The following ULK1 variants were observed in gnomAD, a reference collection of about 807,000 sequenced individuals.
ULK1 encodes unc-51 like autophagy activating kinase 1.
A neutral mutation model predicts 117.5 loss-of-function variants in ULK1; 48 were observed. The observed-to-expected ratio is 0.41, with a 90% CI of 0.32 to 0.52. The LOEUF is 0.52. Ranked by LOEUF, ULK1 falls within the 20% of genes least tolerant of loss-of-function variation. The pLI is 0.29. For synonymous variants in ULK1, 790 were observed against 637.8 expected (o/e 1.24, Z -3.60); for missense variants, 1,387 against 1,473.4 (o/e 0.94, Z 0.96).
rs767820098 is a variant in ULK1, at chr12:131,910,799, C to T, written c.947C>T (p.Pro316Leu). Residue 316 changes from proline (P) to leucine (L), a missense_variant and splice_region_variant, in exon 12 of 28, where the codon CCG (proline) becomes CTG (leucine). Physicochemically the swap from Pro to Leu is moderately conservative, Grantham distance 98. Around this residue, in one of 4 missense-constraint regions of ULK1, gnomAD observed 260 missense variants for 271.6 expected, o/e 0.96. Coordinates refer to ENST00000321867, the MANE Select transcript of ULK1 (RefSeq NM_003565.4). ...TCCACCTCCCACCTGGCCTCCCCGCCGGTGAGTTGCCGCCCCAGGGGCTTG... is the reference window on the plus strand; with the variant it reads ...TCCACCTCCCACCTGGCCTCCCCGCTGGTGAGTTGCCGCCCCAGGGGCTTG... The part of the protein sequence containing the change: ...SSSTSHLASP[P>L]SLGEMQQLQK... The T allele has an allele frequency of 2.0e-5, 33 of 1,612,242 alleles. No homozygotes were observed. In the Admixed American group the frequency reaches 3.0e-4, roughly 15 times the overall value.
chr12:131,895,124 G>T lies in ULK1; in HGVS notation c.111+12G>T, dbSNP rs777578748. 4 of 1,512,806 alleles carry T rather than the reference G, an allele frequency of 2.6e-6. No individual in the cohort carries two copies. Among genetic ancestry groups the T allele is most frequent in the Admixed American group, 4.4e-5 (2 of 45,140 alleles). 93.7% of individuals were successfully genotyped at this position (1,512,806 alleles called of 1,614,324 possible). On this transcript the variant is annotated intron_variant, in intron 1 of 27. Transcript: ENST00000321867. ...GCCGCCACCGCGAGGTGAGGCCCCC[G>T]TCCGGCCCGGGATCCCCCGCCCAGG...
chr12:131,897,507 G>A (rs1408704594), intron 3 of ULK1: 2 of 152,360 alleles, frequency 1.3e-5, no homozygotes, highest in South Asian at 2.1e-4. Flanking sequence ...ACCTCTCTGC[G>A]CCGTGAATTT....
Position 131,918,723 on chromosome 12 carries a change from G to A in ULK1, c.2511+42G>A, listed in dbSNP as rs1352401955. On this transcript the variant is annotated intron_variant, in intron 23 of 27. Coordinates refer to ENST00000321867, the MANE Select transcript of ULK1 (RefSeq NM_003565.4). ...GCAAAGGTTCCCATTCTGGCTGGAGGGTGTGTGGGGTGTGTGGGGTGTCGG... is the reference window on the plus strand; with the variant it reads ...GCAAAGGTTCCCATTCTGGCTGGAGAGTGTGTGGGGTGTGTGGGGTGTCGG... 7 of 1,270,520 alleles carry A rather than the reference G, an allele frequency of 5.5e-6. No individual in the cohort carries two copies. In the East Asian group the frequency reaches 3.9e-4, roughly 71 times the overall value. 78.7% of individuals were successfully genotyped at this position (1,270,520 alleles called of 1,614,324 possible). A position where few individuals can be genotyped will look rare whatever the true frequency, so the allele number is the denominator to read the frequency against.
At chr12:131,900,092 G>A (rs1889025126) in intron 3 of ULK1, among the ~76,000 whole-genome samples, 1 of 138,370 alleles carries the variant, frequency 7.2e-6, no homozygotes, top group Non-Finnish European at 1.5e-5. Context: ...ACTCCAGCCT[G>A]GGCGACAGAG....
intron 3 of ULK1, chr12:131,906,354 G>T (rs943394111): frequency 1.3e-5 from 2 of 154,944 alleles, no homozygotes; most frequent in African/African-American, 4.8e-5. Context: ...CTCCCAAAGT[G>T]TTGGGATTAC....
In ULK1 at chr12:131,915,378, C is replaced by T. The variant is rs1354172531; in HGVS notation, c.1566C>T (p.Ser522=). Residue 522 remains serine (S), a synonymous_variant, in exon 18 of 28, where the codon TCC becomes TCT. Transcript: ENST00000321867. ...PERPGWSGTP[S]PQGAEMRGGR... is the part of the protein sequence containing the mutation. ...GGCCAGGCTGGAGCGGGACGCCCTC[C>T]CCACAGGGAGCTGAGATGCGGGGTG... The T allele has an allele frequency of 1.2e-6, 2 of 1,612,706 alleles. No individual in the cohort carries two copies. Among genetic ancestry groups the T allele is most frequent in the East Asian group, 2.2e-5 (1 of 44,898 alleles).
intron 4 of ULK1, 53 bp downstream of exon 4, chr12:131,906,977 G>A: frequency 6.2e-7 from 1 of 1,612,820 alleles, no homozygotes; most frequent in Non-Finnish European, 8.5e-7. Flanking sequence ...ATGGCCCTGG[G>A]AGCCCCACAG....
rs868830236 is a variant in ULK1 at position 131,919,241 on chromosome 12, G to A, written c.2541G>A (p.Leu847=). Residue 847 remains leucine, a synonymous_variant, in exon 24 of 28, where the codon CTG becomes CTA. Transcript: ENST00000321867. ...EQEHTEILRG[L]RFTLLFVQHV... is the part of the protein sequence containing the mutation. ...AGCACACGGAGATCCTGCGTGGCCT[G>A]CGCTTCACGCTGCTGTTCGTGCAGC... 16 of 1,597,408 alleles carry A rather than the reference G, an allele frequency of 1.0e-5. No homozygotes were observed. The highest frequency in any genetic ancestry group is 5.3e-5 in the African/African-American group (4 of 74,812).
rs1051086352 is a variant in ULK1 at position 131,922,138 on chromosome 12, A to G, written c.*777A>G. 1.0e-5 allele frequency: 4 copies of G among 388,968 alleles called. No individual in the cohort carries two copies. The Admixed American group carries it at 1.3e-4, about 13-fold the overall frequency. 24.1% of individuals were successfully genotyped at this position (388,968 alleles called of 1,614,324 possible). On this transcript the variant is annotated 3_prime_UTR_variant, in exon 28 of 28. Coordinates refer to ENST00000321867, the MANE Select transcript of ULK1 (RefSeq NM_003565.4). Reference sequence around the variant, plus strand: ...TACGTCTTGTAATCTTTCACACTTTATTCCTAAAACGTGTCTTATTTTTAT... The same window carrying G: ...TACGTCTTGTAATCTTTCACACTTTGTTCCTAAAACGTGTCTTATTTTTAT...
In ULK1 at chr12:131,920,014, G is replaced by T; in HGVS notation, c.2839G>T (p.Val947Leu). ...RRLNELYKAS[V>L]VSCQGLSLRL... ...GCTGAATGAGCTGTACAAGGCCAGCGTGGTGTCCTGCCAGGGCCTGAGCCT... is the reference window on the plus strand; with the variant it reads ...GCTGAATGAGCTGTACAAGGCCAGCTTGGTGTCCTGCCAGGGCCTGAGCCT... Residue 947 changes from valine to leucine, a missense_variant, in exon 26 of 28, where the codon GTG (valine) becomes TTG (leucine). Val to Leu is a conservative substitution (Grantham distance 32, BLOSUM62 1). Transcript: ENST00000321867. 6.2e-7 allele frequency: 1 copy of T among 1,612,852 alleles called. No homozygotes were observed. Among genetic ancestry groups the T allele is most frequent in the Non-Finnish European group, 8.5e-7 (1 of 1,179,958 alleles).
In ULK1 at chr12:131,921,940, G is replaced by A. The variant is rs1890168210; in HGVS notation, c.*579G>A. 4.4e-6 allele frequency: 2 copies of A among 456,274 alleles called. No homozygotes were observed. The highest frequency in any genetic ancestry group is 8.8e-6 in the Non-Finnish European group (2 of 226,894). 28.3% of individuals were successfully genotyped at this position (456,274 alleles called of 1,614,324 possible). Reference sequence around the variant, plus strand: ...TGTACATACACATATGCAGACACATGCCAGGGCCCCCCAAGCCCGAGCACC... The same window carrying A: ...TGTACATACACATATGCAGACACATACCAGGGCCCCCCAAGCCCGAGCACC... On this transcript the variant is annotated 3_prime_UTR_variant, in exon 28 of 28. Transcript: ENST00000321867.
At chr12:131,919,116 C>A (rs2136412880) in intron 23 of ULK1, 96 bp from the exon 24 acceptor site, 1 of 1,407,500 alleles carries the variant, frequency 7.1e-7, no homozygotes, top group South Asian at 1.4e-5. Context: ...GGGTACCCTG[C>A]CCTGCCTCCC....
Position 131,921,444 on chromosome 12 carries a change from C to T in ULK1, c.*83C>T. On this transcript the variant is annotated 3_prime_UTR_variant, in exon 28 of 28. Coordinates refer to ENST00000321867, the MANE Select transcript of ULK1 (RefSeq NM_003565.4). ...TGCTGGCTGGACTCCTCGGGACAAGCCCATGGCGCTGATCGCTGGTGCTGA... is the reference window on the plus strand; with the variant it reads ...TGCTGGCTGGACTCCTCGGGACAAGTCCATGGCGCTGATCGCTGGTGCTGA... 8 of 1,579,912 alleles carry T rather than the reference C, an allele frequency of 5.1e-6. No homozygotes were observed. The highest frequency in any genetic ancestry group is 6.9e-6 in the Non-Finnish European group (8 of 1,165,102).
chr12:131,904,262 C>T (rs1889190474), intron 3 of ULK1, among the ~76,000 whole-genome samples: 1 of 152,206 alleles, frequency 6.6e-6, no homozygotes, highest in South Asian at 2.1e-4. Flanking sequence ...CACCCTCCCA[C>T]CTCAGTCCTG....
chr12:131,906,311 G>T (rs538367939), intron 3 of ULK1, among the ~76,000 whole-genome samples: 1 of 152,040 alleles, frequency 6.6e-6, no homozygotes, highest in Non-Finnish European at 1.5e-5. Context: ...GGCTGGTCTC[G>T]AACTGCTGAC....
chr12:131,908,886 T>C lies in ULK1; in HGVS notation c.491-12T>C. Reference sequence around the variant, plus strand: ...CGGGGCCGGCGCCGGTCCTGACGCTTCTCTCCCGCAGCTGACTTCGGCTTC... The same window carrying C: ...CGGGGCCGGCGCCGGTCCTGACGCTCCTCTCCCGCAGCTGACTTCGGCTTC... On this transcript the variant is annotated splice_polypyrimidine_tract_variant and intron_variant, in intron 6 of 27. Coordinates refer to ENST00000321867, the MANE Select transcript of ULK1 (RefSeq NM_003565.4). 6.2e-7 allele frequency: 1 copy of C among 1,609,818 alleles called. No individual in the cohort carries two copies.
chr12:131,915,780 AAG>A, intron 18 of ULK1, 109 bp from the exon 19 acceptor site: 1 of 1,451,586 alleles, frequency 6.9e-7, no homozygotes, highest in Non-Finnish European at 9.3e-7. Flanking sequence ...ACAAAAGAAA[AAG>A]AGTGGGGCCT....
In ULK1 at chr12:131,907,866, C is replaced by T. The variant is rs1889338005; in HGVS notation, c.316+335C>T. 3.3e-5 allele frequency among the ~76,000 whole-genome samples: 5 copies of T among 151,980 alleles called. No individual in the cohort carries two copies. In the South Asian group the frequency reaches 1.0e-3, roughly 32 times the overall value. On this transcript the variant is annotated intron_variant, in intron 5 of 27. Transcript: ENST00000321867. Reference sequence around the variant, plus strand: ...GGCTCTTGGCCCACCCAAAGTTGAGCCCTGTGGCGGATGGGAGGGGATGTG... The same window carrying T: ...GGCTCTTGGCCCACCCAAAGTTGAGTCCTGTGGCGGATGGGAGGGGATGTG...
chr12:131,917,273 G>GCGGGA lies in ULK1; in HGVS notation c.2183-138_2183-137insCGGGA, dbSNP rs1889876149. On this transcript the variant is annotated intron_variant, in intron 21 of 27. Transcript: ENST00000321867. Reference sequence around the variant, plus strand: ...CTCGGAGGCTGTGGGACGGGGGTCGGGTTCGGCTCGGAGGCTGTGGGACGG... The same window carrying GCGGGA: ...CTCGGAGGCTGTGGGACGGGGGTCGGCGGGAGTTCGGCTCGGAGGCTGTGGGACGG... The GCGGGA allele has an allele frequency of 1.8e-4, 151 of 858,522 alleles. 27 individuals are homozygous for GCGGGA. Among genetic ancestry groups the GCGGGA allele is most frequent in the Non-Finnish European group, 2.1e-4 (136 of 649,244 alleles). The allele number at this position is 858,522 out of a possible 1,614,324, so 53.2% of individuals were successfully genotyped here.
Sources: allele counts gnomAD v4.1 joint callset (sites outside exome capture counted in the v4.1 genomes callset), GRCh38; gene constraint gnomAD v4.1.1; regional missense constraint gnomAD v4.1.1; transcripts MANE v1.5; gene names NCBI Gene and HGNC (gene_info 2026-07-23, HGNC 2026-07-21).